ZNF562: variants seen among roughly 807,000 people sequenced by gnomAD.
The protein encoded by ZNF562 is zinc finger protein 562.
In ZNF562, 13 loss-of-function variants were observed where a neutral mutation model predicts 17.5. The ratio of observed to expected loss-of-function variants is 0.74; its 90% CI spans 0.48 to 1.18. ZNF562 has a LOEUF of 1.18. Ranked by LOEUF, ZNF562 falls within the 50% of genes most tolerant of loss-of-function variation. The probability of loss-of-function intolerance (pLI) is 0.00; values close to 1 mark genes in which losing one functional copy is unlikely to be tolerated. For synonymous variants in ZNF562, 163 were observed against 165.4 expected, an observed-to-expected ratio of 0.99 and a Z score of 0.11; for missense variants, 481 against 498.5, an observed-to-expected ratio of 0.96 and a Z score of 0.33.
chr19:9,651,426 T>G lies in ZNF562; in HGVS notation c.*1523A>C, dbSNP rs1475556192. On this transcript the variant is annotated 3_prime_UTR_variant, in exon 6 of 6. Coordinates refer to ENST00000453372, the MANE Select transcript of ZNF562 (RefSeq NM_001130031.2). ...CACAGGAAGCTTCATTATTCCTGAG[T>G]GCTTACAGGAAAATGTGCTGGGAAC... is the stretch of plus-strand genomic sequence containing the variant. The G allele has an allele frequency of 6.6e-6, 1 of 152,168 alleles. No individual in the cohort carries two copies. The highest frequency in any genetic ancestry group is 1.5e-5 in the Non-Finnish European group (1 of 68,044). The allele number at this position is 152,168 out of a possible 1,614,324, so 9.4% of individuals were successfully genotyped here.
Position 9,653,443 on chromosome 19 carries a change from T to C in ZNF562, c.787A>G (p.Lys263Glu), listed in dbSNP as rs1208390497. The C allele has an allele frequency of 1.2e-6, 2 of 1,614,208 alleles. No individual in the cohort carries two copies. The change falls in exon 6 of 6, where the codon AAG becomes GAG. Residue 263 changes from lysine (K) to glutamate (E), a missense_variant. Physicochemically the swap from Lys to Glu is moderately conservative, Grantham distance 56. Coordinates refer to ENST00000453372, the MANE Select transcript of ZNF562 (RefSeq NM_001130031.2). The part of the protein sequence containing the change: ...VHTGKKSEKT[K>E]NCGKSFTNFS... Reference sequence around the variant, plus strand: ...TTAGTGAAGGATTTCCCACAGTTCTTAGTCTTTTCGGATTTCTTTCCAGTA... The same window carrying C: ...TTAGTGAAGGATTTCCCACAGTTCTCAGTCTTTTCGGATTTCTTTCCAGTA...
rs1020144607 is a variant in ZNF562, at chr19:9,650,685, C to T, written c.*2264G>A. 1 of 152,166 alleles carries T rather than the reference C, an allele frequency of 6.6e-6. No individual in the cohort carries two copies. The highest frequency in any genetic ancestry group is 6.6e-5 in the Admixed American group (1 of 15,248). The allele number at this position is 152,166 out of a possible 1,614,324, so 9.4% of individuals were successfully genotyped here. ...GTGTTTTGGGCCAGATACGGTGGCT[C>T]AGGCCTGTAATCCCAGCACTTTGGG... On this transcript the variant is annotated 3_prime_UTR_variant, in exon 6 of 6. Transcript: ENST00000453372.
chr19:9,642,287 TAAAAAAA>T lies in ZNF562; in HGVS notation c.*10655_*10661del, dbSNP rs879528520. 7.4e-6 allele frequency: 1 copy of T among 135,286 alleles called. No homozygotes were observed. The highest frequency in any genetic ancestry group is 2.7e-5 in the African/African-American group (1 of 37,084). The allele number at this position is 135,286 out of a possible 1,614,324, so 8.4% of individuals were successfully genotyped here. A position where few individuals can be genotyped will look rare whatever the true frequency, so the allele number is the denominator to read the frequency against. Reference sequence around the variant, plus strand: ...TTAAAATTACATTCTTTTTTTTCTTTAAAAAAAAAAAAAAAAACAGGGTTTCACTCTG... The same window carrying T: ...TTAAAATTACATTCTTTTTTTTCTTTAAAAAAAAAACAGGGTTTCACTCTG... On this transcript the variant is annotated 3_prime_UTR_variant, in exon 6 of 6. Transcript: ENST00000453372.
chr19:9,669,780 A>T (rs2044114232), intron 1 of ZNF562, among the ~76,000 whole-genome samples: 2 of 150,348 alleles, frequency 1.3e-5, no homozygotes, highest in African/African-American at 4.9e-5. Context: ...ACACACAACC[A>T]GTCAGGGACA....
In ZNF562 at chr19:9,653,375, C is replaced by A; in HGVS notation, c.855G>T (p.Glu285Asp). 1 of 1,614,140 alleles carries A rather than the reference C, an allele frequency of 6.2e-7. No individual in the cohort carries two copies. The highest frequency in any genetic ancestry group is 2.2e-5 in the East Asian group (1 of 44,878). ...CACATTCTTTACATTCAAAGGACTT[C>A]TCTCCTTTATGAGTTTTTGCATGTG... ...LSAHAKTHKG[E>D]KSFECKECGR... The change falls in exon 6 of 6, where the codon GAG (glutamate) becomes GAT (aspartate). Residue 285 changes from glutamate to aspartate, a missense_variant. Physicochemically the swap from Glu to Asp is conservative, Grantham distance 45. This residue lies in a region of ZNF562 where 403 missense variants were observed against 386.4 expected (regional missense o/e 1.04). Transcript: ENST00000453372.
rs2074780528 is a variant in ZNF562, at chr19:9,642,715, C to CA, written c.*10233dup. ...AGACTATGTAACAGGAACAACACAA[C>CA]AACAGTTGCTGCCTAGACATTAGAA... On this transcript the variant is annotated 3_prime_UTR_variant, in exon 6 of 6. Coordinates refer to ENST00000453372, the MANE Select transcript of ZNF562 (RefSeq NM_001130031.2). The CA allele has an allele frequency of 6.6e-6, 1 of 151,906 alleles. No homozygotes were observed. 9.4% of individuals were successfully genotyped at this position (151,906 alleles called of 1,614,324 possible).
In ZNF562 at chr19:9,653,618, G is replaced by A. The variant is rs772893864; in HGVS notation, c.612C>T (p.Tyr204=). Residue 204 remains tyrosine (Y), a synonymous_variant, in exon 6 of 6, where the codon TAC becomes TAT. Transcript: ENST00000453372. ...AGCCTTTTCCACATTCCTTACATTTGTAGGGTTGTCTTCCATTGAGAATTT... is the reference window on the plus strand; with the variant it reads ...AGCCTTTTCCACATTCCTTACATTTATAGGGTTGTCTTCCATTGAGAATTT... The part of the protein sequence containing the change: ...HLEILNGRQP[Y]KCKECGKGFK... 1 of 1,614,084 alleles carries A rather than the reference G, an allele frequency of 6.2e-7. No individual in the cohort carries two copies. Among genetic ancestry groups the A allele is most frequent in the South Asian group, 1.1e-5 (1 of 91,078 alleles).
rs966072593 is a variant in ZNF562 at position 9,651,783 on chromosome 19, A to G, written c.*1166T>C. The G allele has an allele frequency of 2.6e-5, 4 of 152,044 alleles. No homozygotes were observed. Among genetic ancestry groups the G allele is most frequent in the Non-Finnish European group, 5.9e-5 (4 of 68,040 alleles). 9.4% of individuals were successfully genotyped at this position (152,044 alleles called of 1,614,324 possible). On this transcript the variant is annotated 3_prime_UTR_variant, in exon 6 of 6. Coordinates refer to ENST00000453372, the MANE Select transcript of ZNF562 (RefSeq NM_001130031.2). ...TAGGAATAATGTTTATCACAGGCTT[A>G]CTGTCAATAAATATGTGGGTCAAAC...
chr19:9,663,759 C>T (rs1011279910), intron 1 of ZNF562, among the ~76,000 whole-genome samples: 9 of 151,894 alleles, frequency 5.9e-5, no homozygotes, highest in South Asian at 2.1e-4. Context: ...TCACTGCAGC[C>T]GCCGCCTCCC....
chr19:9,664,459 T>C (rs1568275592), intron 1 of ZNF562, among the ~76,000 whole-genome samples: 1 of 152,242 alleles, frequency 6.6e-6, no homozygotes, highest in Non-Finnish European at 1.5e-5. Flanking sequence ...GGTTAAGTTG[T>C]TCCACCACTG....
chr19:9,655,713 CTTTCTTTTT>C (rs2043445087), intron 5 of ZNF562, among the ~76,000 whole-genome samples: 2 of 54,552 alleles, frequency 3.7e-5, no homozygotes, highest in African/African-American at 1.4e-4. Context: ...ACTTTCTTTT[CTTTCTTTTT>C]TTTTTTTTTT....
intron 1 of ZNF562, among the ~76,000 whole-genome samples, chr19:9,661,710 G>A (rs1172896929): frequency 1.3e-5 from 2 of 152,102 alleles, no homozygotes; most frequent in Admixed American, 6.6e-5. Context: ...AAGGAGAATC[G>A]CTTGACCCCG....
Position 9,653,891 on chromosome 19 carries a change from G to C in ZNF562, c.349-10C>G. 3 of 1,518,150 alleles carry C rather than the reference G, an allele frequency of 2.0e-6. No individual in the cohort carries two copies. Among genetic ancestry groups the C allele is most frequent in the South Asian group, 2.8e-5 (2 of 71,830 alleles). 94.0% of individuals were successfully genotyped at this position (1,518,150 alleles called of 1,614,324 possible). On this transcript the variant is annotated splice_polypyrimidine_tract_variant and intron_variant, in intron 5 of 5. Transcript: ENST00000453372. ...TGTAGCTTCTTGTCTGCTGATGAGG[G>C]GATAAAGGATTTAAAATGTTTTCAG... is the stretch of plus-strand genomic sequence containing the variant.
At chr19:9,657,256 G>C (rs1038655579) in intron 4 of ZNF562, among the ~76,000 whole-genome samples, 32 of 150,982 alleles carry the variant, frequency 2.1e-4, no homozygotes, top group Non-Finnish European at 7.4e-5. Flanking sequence ...ATATCAAAAT[G>C]ATAAACTTAA....
At chr19:9,656,157 T>C (rs2043475791) in intron 5 of ZNF562, among the ~76,000 whole-genome samples, 1 of 152,134 alleles carries the variant, frequency 6.6e-6, no homozygotes, top group African/African-American at 2.4e-5. Context: ...ACCACACCAC[T>C]AACTGGGCTG....
chr19:9,657,406 CA>C (rs553234936), intron 4 of ZNF562, among the ~76,000 whole-genome samples: 3 of 146,692 alleles, frequency 2.0e-5, no homozygotes, highest in African/African-American at 7.6e-5. Context: ...AAAAAAAAAC[CA>C]AAAAAAACCA....
intron 2 of ZNF562, 89 bp downstream of exon 2, chr19:9,660,631 G>T (rs1055589429): frequency 4.7e-6 from 6 of 1,278,778 alleles, no homozygotes; most frequent in Middle Eastern, 2.0e-4. Context: ...AAAGCAGCAT[G>T]CCTGTTCAGG....
rs1161373798 is a variant in ZNF562 at position 9,653,393 on chromosome 19, T to C, written c.837A>G (p.Ala279=). The C allele has an allele frequency of 4.3e-6, 7 of 1,614,202 alleles. No homozygotes were observed. The highest frequency in any genetic ancestry group is 2.2e-5 in the East Asian group (1 of 44,872). ...AGGACTTCTCTCCTTTATGAGTTTT[T>C]GCATGTGCAGAAAGTTGAGAAAAAT... ...FTNFSQLSAH[A]KTHKGEKSFE... Residue 279 remains alanine, a synonymous_variant, in exon 6 of 6, where the codon GCA becomes GCG. Transcript: ENST00000453372.
chr19:9,669,337 G>A (rs1011400187), intron 1 of ZNF562, among the ~76,000 whole-genome samples: 6 of 151,936 alleles, frequency 3.9e-5, no homozygotes, highest in African/African-American at 1.2e-4. Context: ...ATGGCCAACA[G>A]GCATACAAAA....
Sources: gnomAD v4.1 joint callset for allele counts (sites outside exome capture counted in the v4.1 genomes callset) on GRCh38, gnomAD v4.1.1 for gene constraint, gnomAD v4.1.1 regional missense constraint, MANE v1.5 for transcripts, NCBI Gene and HGNC (gene_info 2026-07-23, HGNC 2026-07-21) for gene names.